Variants in EPHA5 observed in about 807,000 individuals in gnomAD.
The protein encoded by EPHA5 is EPH receptor A5.
EPHA5 carries 60 observed loss-of-function variants against 105.0 expected under a neutral mutation model. The ratio of observed to expected loss-of-function variants is 0.57; its 90% CI spans 0.46 to 0.71. The LOEUF is 0.71. EPHA5 is among the 30% of genes least tolerant of loss of function. The probability of loss-of-function intolerance (pLI) is 0.00; values close to 1 mark genes in which losing one functional copy is unlikely to be tolerated. For missense variants in EPHA5, 1,218 were observed against 1,274.7 expected, an observed-to-expected ratio of 0.96 and a Z score of 0.68; for synonymous variants, 513 against 449.1, an observed-to-expected ratio of 1.14 and a Z score of -1.80.
At position 65,568,949 on chromosome 4, in the gene EPHA5, G is replaced by A. The variant is rs79443030; in HGVS notation, c.910+32692C>T. Among the ~76,000 whole-genome samples the A allele has an allele frequency of 4.0e-5, 6 of 151,112 alleles. No homozygotes were observed. In the East Asian group the frequency reaches 1.2e-3, roughly 29 times the overall value. On this transcript the variant is annotated intron_variant, in intron 3 of 16. Coordinates refer to ENST00000613740, the MANE Select transcript of EPHA5 (RefSeq NM_001281766.3). ...GACCAATATTTTCCTTTATCATAGAGTTTTTAAACATAATTTAGCTTAATT... is the reference window on the plus strand; with the variant it reads ...GACCAATATTTTCCTTTATCATAGAATTTTTAAACATAATTTAGCTTAATT...
intron 1 of EPHA5, among the ~76,000 whole-genome samples, chr4:65,657,118 T>C (rs567399997): frequency 2.6e-5 from 4 of 152,248 alleles, no homozygotes; most frequent in Middle Eastern, 3.4e-3. Context: ...TTCTGCTGTT[T>C]TCTCTCCAAT....
intron 5 of EPHA5, among the ~76,000 whole-genome samples, chr4:65,465,031 A>ATGAAATTTCCAGAAAAT (rs911693775): frequency 3.9e-5 from 6 of 152,194 alleles, no homozygotes; most frequent in African/African-American, 1.4e-4. Context: ...TGTAAGAGTG[A>ATGAAATTTCCAGAAAAT]TGAAATTTCC....
At chr4:65,420,401 A>C in intron 6 of EPHA5, 40 bp downstream of exon 6, 3 of 1,523,642 alleles carry the variant, frequency 2.0e-6, no homozygotes, top group Non-Finnish European at 2.6e-6. Context: ...AAATGAAAAA[A>C]AAAAGAAAGT....
At chr4:65,434,907 C>G (rs1016753720) in intron 5 of EPHA5, among the ~76,000 whole-genome samples, 1 of 151,836 alleles carries the variant, frequency 6.6e-6, no homozygotes, top group Non-Finnish European at 1.5e-5. Flanking sequence ...TCAGCCTGTT[C>G]CAAAAATGAA....
rs575993959 is a variant in EPHA5, at chr4:65,573,046, A to G, written c.910+28595T>C. ...ACTTTGTCTCAAAAAGAAAAAAAAG[A>G]ATAATAAAAATAATAGTTATCACGA... On this transcript the variant is annotated intron_variant, in intron 3 of 16. Coordinates refer to ENST00000613740, the MANE Select transcript of EPHA5 (RefSeq NM_001281766.3). Among the ~76,000 whole-genome samples the G allele has an allele frequency of 3.0e-3, 458 of 152,148 alleles. 2 individuals are homozygous for G. The highest frequency in any genetic ancestry group is 1.0e-2 in the African/African-American group (415 of 41,504).
At chr4:65,593,304 T>C (rs1742855899) in intron 3 of EPHA5, among the ~76,000 whole-genome samples, 1 of 152,162 alleles carries the variant, frequency 6.6e-6, no homozygotes, top group Admixed American at 6.5e-5. Flanking sequence ...CTAAAAACAT[T>C]GATACTGTAC....
chr4:65,588,488 G>T (rs1466992290), intron 3 of EPHA5, among the ~76,000 whole-genome samples: 1 of 152,088 alleles, frequency 6.6e-6, no homozygotes, highest in Non-Finnish European at 1.5e-5. Flanking sequence ...GAACAGTCTG[G>T]CTGGTCTTTC....
In EPHA5 at chr4:65,531,221, T is replaced by C. The variant is rs1216373269; in HGVS notation, c.911-35678A>G. Among the ~76,000 whole-genome samples the C allele has an allele frequency of 2.7e-5, 4 of 149,992 alleles. No homozygotes were observed. The East Asian group carries it at 7.9e-4, about 29-fold the overall frequency. Reference sequence around the variant, plus strand: ...CCCGGCTAATTTTTTGTATTTTTAGTAGAGACGGGGTTTCACCTTGTTAGC... The same window carrying C: ...CCCGGCTAATTTTTTGTATTTTTAGCAGAGACGGGGTTTCACCTTGTTAGC... On this transcript the variant is annotated intron_variant, in intron 3 of 16. Coordinates refer to ENST00000613740, the MANE Select transcript of EPHA5 (RefSeq NM_001281766.3).
At chr4:65,656,515 CATTT>C (rs995290853) in intron 1 of EPHA5, among the ~76,000 whole-genome samples, 1 of 149,222 alleles carries the variant, frequency 6.7e-6, no homozygotes, top group African/African-American at 2.4e-5. Flanking sequence ...TTTATATCTT[CATTT>C]ATTTTCTCAT....
chr4:65,534,989 A>C (rs1157903798), intron 3 of EPHA5, among the ~76,000 whole-genome samples: 1 of 152,176 alleles, frequency 6.6e-6, no homozygotes, highest in Non-Finnish European at 1.5e-5. Flanking sequence ...AGATACTTTG[A>C]AAATTTCTGA....
At chr4:65,537,617 T>A (rs906714686) in intron 3 of EPHA5, among the ~76,000 whole-genome samples, 1 of 151,776 alleles carries the variant, frequency 6.6e-6, no homozygotes, top group African/African-American at 2.4e-5. Context: ...ATTTGGTATA[T>A]CTAAGGCCAC....
intron 3 of EPHA5, among the ~76,000 whole-genome samples, chr4:65,565,239 A>T (rs1446638230): frequency 6.6e-6 from 1 of 151,738 alleles, no homozygotes; most frequent in South Asian, 2.1e-4. Flanking sequence ...CTAATGGATC[A>T]GAGTTAATAG....
chr4:65,579,351 T>C (rs1432096407), intron 3 of EPHA5, among the ~76,000 whole-genome samples: 4 of 102,132 alleles, frequency 3.9e-5, no homozygotes, highest in African/African-American at 1.1e-4. Flanking sequence ...TATATATATG[T>C]ATGTGTGTAT....
chr4:65,406,758 T>G (rs1357797122), intron 7 of EPHA5, among the ~76,000 whole-genome samples: 1 of 152,156 alleles, frequency 6.6e-6, no homozygotes, highest in African/African-American at 2.4e-5. Flanking sequence ...TGTTTGGATT[T>G]TATTGTTACA....
At chr4:65,533,332 A>AT (rs1170373152) in intron 3 of EPHA5, among the ~76,000 whole-genome samples, 10 of 152,160 alleles carry the variant, frequency 6.6e-5, no homozygotes, top group African/African-American at 1.2e-4. Flanking sequence ...TTATAAAACC[A>AT]TTTTTTTGTG....
At chr4:65,534,739 T>C (rs777275062) in intron 3 of EPHA5, among the ~76,000 whole-genome samples, 4 of 152,214 alleles carry the variant, frequency 2.6e-5, no homozygotes, top group Non-Finnish European at 5.9e-5. Context: ...ATTATGTTTC[T>C]ATTACAGATG....
chr4:65,456,376 C>T (rs572545095), intron 5 of EPHA5, among the ~76,000 whole-genome samples: 3 of 151,766 alleles, frequency 2.0e-5, no homozygotes, highest in Admixed American at 1.3e-4. Flanking sequence ...GTATAATCTG[C>T]CATATTCTAA....
chr4:65,348,459 G>A (rs1722430865), intron 13 of EPHA5, among the ~76,000 whole-genome samples: 1 of 151,488 alleles, frequency 6.6e-6, no homozygotes, highest in Admixed American at 6.6e-5. Flanking sequence ...ACAGTCCTCA[G>A]TATAGCAGCT....
At chr4:65,488,217 C>CTTTGTTG (rs1731065084) in intron 5 of EPHA5, among the ~76,000 whole-genome samples, 2 of 152,018 alleles carry the variant, frequency 1.3e-5, no homozygotes, top group African/African-American at 4.8e-5. Flanking sequence ...AAGTTAAAGA[C>CTTTGTTG]AACTATAGCA....
Sources: gnomAD v4.1 joint callset for allele counts (sites outside exome capture counted in the v4.1 genomes callset) on GRCh38, gnomAD v4.1.1 for gene constraint, MANE v1.5 for transcripts, NCBI Gene and HGNC (gene_info 2026-07-23, HGNC 2026-07-21) for gene names.